DOCK4: variants seen among roughly 807,000 people sequenced by gnomAD.
DOCK4 encodes dedicator of cytokinesis 4, also known as dedicator of cytokinesis protein 4.
Under a neutral mutation model 268.1 loss-of-function variants are expected in DOCK4, and 97 were observed. The ratio of observed to expected loss-of-function variants is 0.36; its 90% CI spans 0.31 to 0.43. The LOEUF is 0.43. Among genes scored for constraint, DOCK4 ranks in the 20% least tolerant of loss-of-function variants. The pLI is 1.00. For missense variants in DOCK4, 2,145 were observed against 2,455.7 expected (o/e 0.87, Z 2.67); for synonymous variants, 954 against 887.2 (o/e 1.08, Z -1.34).
At chr7:112,092,669 A>G (rs1809742221) in intron 1 of DOCK4, among the ~76,000 whole-genome samples, 1 of 152,216 alleles carries the variant, frequency 6.6e-6, no homozygotes, top group Admixed American at 6.5e-5. Context: ...GAAACAGCCA[A>G]AGATGACCCT....
chr7:112,000,562 T>C, intron 2 of DOCK4, 28 bp from the exon 3 acceptor site: 1 of 1,493,854 alleles, frequency 6.7e-7, no homozygotes, highest in Non-Finnish European at 9.1e-7. Context: ...TGGTCATATT[T>C]TGATAAACCA....
At chr7:111,953,565 T>C (rs1004018879) in intron 8 of DOCK4, 3 of 152,190 alleles carry the variant, frequency 2.0e-5, no homozygotes, top group African/African-American at 7.2e-5. Context: ...GGCATAAGAA[T>C]TGTTGAGCTA....
At chr7:111,921,520 A>C (rs1483969977) in intron 12 of DOCK4, among the ~76,000 whole-genome samples, 1 of 152,214 alleles carries the variant, frequency 6.6e-6, no homozygotes, top group Non-Finnish European at 1.5e-5. Flanking sequence ...ACCACATAAC[A>C]TGTAGCTACG....
At chr7:111,962,272 T>C (rs1325986878) in intron 8 of DOCK4, among the ~76,000 whole-genome samples, 2 of 152,344 alleles carry the variant, frequency 1.3e-5, no homozygotes, top group Middle Eastern at 3.4e-3. Context: ...ATATTATTTC[T>C]GGTTAGGTTA....
chr7:111,974,492 ATGTGTGTGTGTGTGTGTGTG>A (rs59409689), intron 8 of DOCK4, among the ~76,000 whole-genome samples: 49 of 84,384 alleles, frequency 5.8e-4, no homozygotes, highest in South Asian at 1.7e-3. Flanking sequence ...TTGAAGAGGG[ATGTGTGTGTGTGTGTGTGTG>A]TGTGTGTGTG....
Position 111,945,804 on chromosome 7 carries a change from A to G in DOCK4, c.702-6T>C. 6.4e-7 allele frequency: 1 copy of G among 1,572,900 alleles called. No individual in the cohort carries two copies. The highest frequency in any genetic ancestry group is 8.6e-7 in the Non-Finnish European group (1 of 1,158,046). ...GCCTCAAGAAAAATCTCTCACTACA[A>G]GAGAAAAAATGTTTAACAATTTGAA... On this transcript the variant is annotated splice_region_variant and splice_polypyrimidine_tract_variant and intron_variant, in intron 8 of 52. Coordinates refer to ENST00000428084, the MANE Select transcript of DOCK4 (RefSeq NM_001363540.2).
At chr7:111,744,700 G>T (rs548478846) in intron 44 of DOCK4, among the ~76,000 whole-genome samples, 2 of 152,272 alleles carry the variant, frequency 1.3e-5, no homozygotes, top group South Asian at 4.2e-4. Context: ...GAAGGTTAAA[G>T]TCATTGCATA....
chr7:111,976,945 T>C (rs1798251153), intron 8 of DOCK4, 187 bp downstream of exon 8: 3 of 560,302 alleles, frequency 5.4e-6, no homozygotes, highest in South Asian at 6.7e-5. Flanking sequence ...CAAAGAATGC[T>C]GCATTCATCA....
intron 20 of DOCK4, among the ~76,000 whole-genome samples, chr7:111,870,507 A>G (rs535344070): frequency 5.9e-5 from 9 of 151,708 alleles, no homozygotes; most frequent in African/African-American, 2.2e-4. Context: ...TTTTTAGTAG[A>G]GGCCCGGTTT....
chr7:111,789,371 T>C (rs906095030), intron 31 of DOCK4: 8 of 152,802 alleles, frequency 5.2e-5, no homozygotes, highest in Non-Finnish European at 1.0e-4. Flanking sequence ...AACTTGAATA[T>C]CAGGAATGGA....
intron 23 of DOCK4, among the ~76,000 whole-genome samples, chr7:111,860,172 C>T (rs937776695): frequency 6.6e-6 from 1 of 152,192 alleles, no homozygotes; most frequent in Non-Finnish European, 1.5e-5. Flanking sequence ...TCTCCTCTTT[C>T]AACTAGACAA....
At chr7:111,976,177 TACACAC>T (rs1418945722) in intron 8 of DOCK4, among the ~76,000 whole-genome samples, 1 of 89,164 alleles carries the variant, frequency 1.1e-5, no homozygotes, top group Non-Finnish European at 2.0e-5. Flanking sequence ...TATATATATA[TACACAC>T]ACACACACGC....
At chr7:112,014,772 G>A (rs181812553) in intron 1 of DOCK4, among the ~76,000 whole-genome samples, 2 of 152,254 alleles carry the variant, frequency 1.3e-5, no homozygotes, top group East Asian at 3.9e-4. Flanking sequence ...AGGCGTGGTG[G>A]TGTGTGCCTG....
At chr7:111,866,673 A>C (rs540645132) in intron 22 of DOCK4, among the ~76,000 whole-genome samples, 1 of 152,122 alleles carries the variant, frequency 6.6e-6, no homozygotes. Context: ...GGTACAACTA[A>C]GGTAAAAAAA....
intron 6 of DOCK4, among the ~76,000 whole-genome samples, chr7:111,987,161 A>G (rs968662442): frequency 5.9e-5 from 9 of 152,206 alleles, no homozygotes; most frequent in African/African-American, 2.2e-4. Context: ...TATACTGCTC[A>G]TTTTCATGCA....
In DOCK4 at chr7:111,794,080, A is replaced by T. The variant is rs1223693716; in HGVS notation, c.3167-3475T>A. 3.9e-5 allele frequency among the ~76,000 whole-genome samples: 6 copies of T among 152,140 alleles called. No homozygotes were observed. In the East Asian group the frequency reaches 1.2e-3, roughly 29 times the overall value. ...GTGTGGAAGATGGGCTGTAGTGGGG[A>T]CACAGATGCTGGAGGGCCAAGTAGG... On this transcript the variant is annotated intron_variant, in intron 30 of 52. Transcript: ENST00000428084.
At chr7:112,120,565 GA>G (rs1183330906) in intron 1 of DOCK4, among the ~76,000 whole-genome samples, 1 of 152,070 alleles carries the variant, frequency 6.6e-6, no homozygotes, top group Non-Finnish European at 1.5e-5. Context: ...AAATTTTGGG[GA>G]CACATCTGAA....
intron 1 of DOCK4, among the ~76,000 whole-genome samples, chr7:112,042,218 A>G (rs1361402708): frequency 6.6e-6 from 1 of 152,230 alleles, no homozygotes; most frequent in Non-Finnish European, 1.5e-5. Context: ...GAGTTATAAT[A>G]TCTGAGGATG....
chr7:111,911,030 G>T (rs538506891), intron 13 of DOCK4, among the ~76,000 whole-genome samples: 1 of 152,314 alleles, frequency 6.6e-6, no homozygotes, highest in African/African-American at 2.4e-5. Context: ...AAAGAGTTTT[G>T]TGTATGTTCT....
Sources: gnomAD v4.1 joint callset for allele counts (sites outside exome capture counted in the v4.1 genomes callset) on GRCh38, gnomAD v4.1.1 for gene constraint, MANE v1.5 for transcripts, NCBI Gene and HGNC (gene_info 2026-07-23, HGNC 2026-07-21) for gene names.